COL4A4: variants seen among roughly 807,000 people sequenced by gnomAD.
COL4A4 encodes the protein collagen type IV alpha 4 chain.
Under a neutral mutation model 192.9 loss-of-function variants are expected in COL4A4, and 105 were observed. The observed-to-expected ratio is 0.54, with a 90% confidence interval of 0.46 to 0.64. COL4A4 has a LOEUF of 0.64. Ranked by LOEUF, COL4A4 falls within the 30% of genes least tolerant of loss-of-function variation. The probability of loss-of-function intolerance (pLI) is 0.00; values close to 1 mark genes in which losing one functional copy is unlikely to be tolerated. For synonymous variants in COL4A4, 762 were observed against 769.9 expected, an observed-to-expected ratio of 0.99 and a Z score of 0.17; for missense variants, 1,967 against 2,169.3, an observed-to-expected ratio of 0.91 and a Z score of 1.85.
intron 16 of COL4A4, 123 bp from the exon 17 acceptor site, chr2:227,101,680 T>C (rs1271750006): frequency 1.8e-6 from 2 of 1,092,416 alleles, no homozygotes; most frequent in Non-Finnish European, 2.7e-6. Flanking sequence ...ACACTGTTCA[T>C]CAGTTGCATC....
chr2:227,062,586 G>T lies in COL4A4; in HGVS notation c.2000C>A (p.Ser667Tyr), dbSNP rs1027545000. 2.5e-6 allele frequency: 4 copies of T among 1,612,504 alleles called. No homozygotes were observed. The African/African-American group carries it at 5.3e-5, about 22-fold the overall frequency. Residue 667 changes from serine (S) to tyrosine (Y), a missense_variant, in exon 26 of 48, where the codon TCT becomes TAT. By Grantham distance (144) the Ser-to-Tyr change is moderately radical. Coordinates refer to ENST00000396625, the MANE Select transcript of COL4A4 (RefSeq NM_000092.5). ...GLKGQKGDTI[S>Y]CNVTYPGRHG... ...CCTCCCAGGGTAGGTTACGTTGCAA[G>T]AAATTGTGTCACCTGCAATGAGAAA...
intron 12 of COL4A4, 114 bp downstream of exon 12, chr2:227,108,467 A>T (rs924720431): frequency 2.0e-5 from 20 of 1,012,656 alleles, no homozygotes; most frequent in Non-Finnish European, 3.1e-5. Context: ...CTCAGCCATA[A>T]AATTGGGCAG....
the COL4A4 span, among the ~76,000 whole-genome samples, chr2:226,978,512 G>C: frequency 1.3e-5 from 2 of 152,118 alleles, no homozygotes; most frequent in Non-Finnish European, 2.9e-5. Flanking sequence ...CCTACGTCGA[G>C]CCTCAGTCTT....
chr2:227,066,307 G>A (rs1293442396), intron 25 of COL4A4, among the ~76,000 whole-genome samples: 1 of 151,872 alleles, frequency 6.6e-6, no homozygotes, highest in Admixed American at 6.6e-5. Context: ...ATATTATCCA[G>A]GAGAACTTCC....
the COL4A4 span, among the ~76,000 whole-genome samples, chr2:226,987,876 G>T: frequency 6.6e-6 from 1 of 152,168 alleles, no homozygotes; most frequent in Non-Finnish European, 1.5e-5. Context: ...GGGTGGAGGG[G>T]ATCCAATAAT....
intron 4 of COL4A4, among the ~76,000 whole-genome samples, chr2:227,137,967 C>T (rs2062929758): frequency 6.6e-6 from 1 of 151,968 alleles, no homozygotes; most frequent in Non-Finnish European, 1.5e-5. Flanking sequence ...ACTTTGTTTT[C>T]TTGAAGCTTC....
At chr2:226,995,164 C>T in the COL4A4 span, among the ~76,000 whole-genome samples, 6 of 151,590 alleles carry the variant, frequency 4.0e-5, no homozygotes, top group Admixed American at 3.9e-4. Flanking sequence ...TTATGGAGCA[C>T]GATGGAAGGA....
chr2:227,123,456 G>A lies in COL4A4; in HGVS notation c.193-2308C>T, dbSNP rs1175312064. Reference sequence around the variant, plus strand: ...ACTTCTCCATTTGAGAAGTGAAGGAGGTGCAGGTCAGGAACAGAGCGCGAC... The same window carrying A: ...ACTTCTCCATTTGAGAAGTGAAGGAAGTGCAGGTCAGGAACAGAGCGCGAC... On this transcript the variant is annotated intron_variant, in intron 4 of 47. Coordinates refer to ENST00000396625, the MANE Select transcript of COL4A4 (RefSeq NM_000092.5). This position sits in a 1 kb window ranked among gnomAD's most constrained non-coding sequence, Gnocchi z 4.6. Among the ~76,000 whole-genome samples, 2 of 152,190 alleles carry A rather than the reference G, an allele frequency of 1.3e-5. No homozygotes were observed. The highest frequency in any genetic ancestry group is 4.8e-5 in the African/African-American group (2 of 41,436).
intron 4 of COL4A4, among the ~76,000 whole-genome samples, chr2:227,124,737 C>T (rs577413273): frequency 1.2e-4 from 18 of 152,248 alleles, no homozygotes; most frequent in African/African-American, 4.3e-4. Flanking sequence ...AAAGTAAAAA[C>T]AAACAATGAC....
intron 46 of COL4A4, among the ~76,000 whole-genome samples, chr2:227,009,922 C>T (rs1277128063): frequency 6.6e-6 from 1 of 152,164 alleles, no homozygotes; most frequent in African/African-American, 2.4e-5. Context: ...CGTGCTGTGG[C>T]TGCACCATTT....
At chr2:227,064,427 T>G (rs1397639707) in intron 25 of COL4A4, among the ~76,000 whole-genome samples, 5 of 152,140 alleles carry the variant, frequency 3.3e-5, no homozygotes, top group African/African-American at 1.2e-4. Context: ...TAAGACTAAT[T>G]GGCATTCCTG....
At position 227,054,725 on chromosome 2, in the gene COL4A4, A is replaced by C. The variant is rs1381828124; in HGVS notation, c.2729T>G (p.Leu910Arg). The stretch of plus-strand genomic sequence containing the variant: ...TCCGGGAAAACCTGGGAAACCAGGC[A>C]GCCCCCGGGGTCCTGGTGAAATGAG... ...GPPGPKGPRG[L>R]PGFPGFPGER... is the part of the protein sequence containing the mutation. Residue 910 changes from leucine (L) to arginine (R), a missense_variant, in exon 31 of 48, where the codon CTG becomes CGG. Transcript: ENST00000396625. 1 of 1,614,098 alleles carries C rather than the reference A, an allele frequency of 6.2e-7. No homozygotes were observed. Among genetic ancestry groups the C allele is most frequent in the Admixed American group, 1.7e-5 (1 of 60,018 alleles).
intron 37 of COL4A4, among the ~76,000 whole-genome samples, chr2:227,034,741 A>G (rs1358297943): frequency 1.1e-5 from 1 of 93,666 alleles, no homozygotes; most frequent in African/African-American, 4.3e-5. Context: ...AACAGTCCCC[A>G]GAGTGTGATG....
intron 17 of COL4A4, among the ~76,000 whole-genome samples, chr2:227,100,587 C>T (rs1405808797): frequency 6.6e-6 from 1 of 152,046 alleles, no homozygotes; most frequent in Non-Finnish European, 1.5e-5. Context: ...TATGCAAATA[C>T]TACATCATTT....
chr2:227,130,126 C>T (rs946249057), intron 4 of COL4A4, among the ~76,000 whole-genome samples: 67 of 152,294 alleles, frequency 4.4e-4, no homozygotes, highest in Admixed American at 3.5e-3. Flanking sequence ...GTAGACAATC[C>T]AGAGACTGGA....
At chr2:227,119,373 CATAT>C (rs1446593042) in intron 6 of COL4A4, among the ~76,000 whole-genome samples, 3 of 150,554 alleles carry the variant, frequency 2.0e-5, no homozygotes, top group African/African-American at 7.3e-5. Flanking sequence ...TGCACCATAA[CATAT>C]ATATATCTTG....
intron 7 of COL4A4, among the ~76,000 whole-genome samples, chr2:227,117,182 A>C (rs928956944): frequency 6.6e-6 from 1 of 152,216 alleles, no homozygotes; most frequent in Non-Finnish European, 1.5e-5. Context: ...GTGTCTGTAT[A>C]GTAAATGAGT....
At chr2:227,069,981 G>C (rs2058608799) in intron 25 of COL4A4, among the ~76,000 whole-genome samples, 1 of 150,018 alleles carries the variant, frequency 6.7e-6, no homozygotes, top group African/African-American at 2.4e-5. Context: ...CTGACAAAGG[G>C]CTAATATCCA....
chr2:227,137,246 A>C (rs1264395139), intron 4 of COL4A4, among the ~76,000 whole-genome samples: 1 of 152,178 alleles, frequency 6.6e-6, no homozygotes, highest in Non-Finnish European at 1.5e-5. Context: ...GCCCAAGGAC[A>C]TAGAAGAGAA....
Sources: gnomAD v4.1 joint callset for allele counts (sites outside exome capture counted in the v4.1 genomes callset) on GRCh38, gnomAD v4.1.1 for gene constraint, Gnocchi (gnomAD v3.1) non-coding constraint, MANE v1.5 for transcripts, NCBI Gene and HGNC (gene_info 2026-07-23, HGNC 2026-07-21) for gene names.